Variants in RANBP3L observed in about 807,000 individuals in gnomAD.
RANBP3L encodes RAN binding protein 3 like.
RANBP3L carries 56 observed loss-of-function variants against 67.2 expected under a neutral mutation model. That is an observed-to-expected ratio of 0.83 (90% CI 0.67 to 1.04). The LOEUF is 1.04. RANBP3L is among the 50% of genes least tolerant of loss of function. The pLI, the probability that RANBP3L is intolerant of heterozygous loss-of-function variation, is 0.00. For missense variants in RANBP3L, 496 were observed against 535.5 expected (o/e 0.93, Z 0.73); for synonymous variants, 164 against 181.4 (o/e 0.90, Z 0.77).
At chr5:36,289,521 T>A (rs1229287881) in intron 1 of RANBP3L, among the ~76,000 whole-genome samples, 5 of 152,180 alleles carry the variant, frequency 3.3e-5, no homozygotes, top group African/African-American at 1.2e-4. Flanking sequence ...AGCATTCCAA[T>A]TCATGAATTT....
At chr5:36,261,209 G>T (rs1749361466) in intron 7 of RANBP3L, among the ~76,000 whole-genome samples, 1 of 152,082 alleles carries the variant, frequency 6.6e-6, no homozygotes, top group Non-Finnish European at 1.5e-5. Flanking sequence ...TCCTCAAGTG[G>T]CTGATGTTTT....
intron 1 of RANBP3L, among the ~76,000 whole-genome samples, chr5:36,292,406 T>C (rs1006256049): frequency 6.6e-6 from 1 of 152,040 alleles, no homozygotes; most frequent in African/African-American, 2.4e-5. Flanking sequence ...TGAGTTTAAT[T>C]AGATCCCATT....
At position 36,260,707 on chromosome 5, in the gene RANBP3L, T is replaced by C. The variant is rs1392916130; in HGVS notation, c.669+73A>G. On this transcript the variant is annotated intron_variant, in intron 8 of 13. Transcript: ENST00000296604. ...GTATAATTCAATTTAATATTACTTT[T>C]AATTAATTTACCTTTAGAAATTTAA... 8 of 661,834 alleles carry C rather than the reference T, an allele frequency of 1.2e-5. No homozygotes were observed. In the African/African-American group the frequency reaches 1.3e-4, roughly 11 times the overall value. The allele number at this position is 661,834 out of a possible 1,614,324, so 41.0% of individuals were successfully genotyped here.
At chr5:36,291,400 T>TTTA (rs1328368784) in intron 1 of RANBP3L, among the ~76,000 whole-genome samples, 1 of 151,658 alleles carries the variant, frequency 6.6e-6, no homozygotes, top group South Asian at 2.1e-4. Context: ...CTTATTTATT[T>TTTA]TTATTATTAT....
At chr5:36,286,755 G>A (rs1219962862) in intron 1 of RANBP3L, among the ~76,000 whole-genome samples, 2 of 152,174 alleles carry the variant, frequency 1.3e-5, no homozygotes, top group Non-Finnish European at 2.9e-5. Context: ...TGTAGACCAA[G>A]TGTGATTTCT....
intron 4 of RANBP3L, 73 bp from the exon 5 acceptor site, chr5:36,265,593 A>C: frequency 2.3e-6 from 2 of 864,092 alleles, no homozygotes; most frequent in South Asian, 3.2e-5. Context: ...GGGCTTAACA[A>C]TCCCATTCCG....
At position 36,301,664 on chromosome 5, in the gene RANBP3L, C is replaced by T; in HGVS notation, c.-248G>A. ...CCAATTCATTTGGTTAAAAACACAA[C>T]TTAATTCCTTCATTTCAAAACAAAT... On this transcript the variant is annotated 5_prime_UTR_variant, in exon 1 of 14. Transcript: ENST00000296604. 1 of 413,678 alleles carries T rather than the reference C, an allele frequency of 2.4e-6. No individual in the cohort carries two copies. The highest frequency in any genetic ancestry group is 4.4e-6 in the Non-Finnish European group (1 of 228,448). 25.6% of individuals were successfully genotyped at this position (413,678 alleles called of 1,614,324 possible). A position where few individuals can be genotyped will look rare whatever the true frequency, so the allele number is the denominator to read the frequency against.
At position 36,301,872 on chromosome 5, in the gene RANBP3L, A is replaced by T. The variant is rs1049562083; in HGVS notation, c.-456T>A. 7 of 159,760 alleles carry T rather than the reference A, an allele frequency of 4.4e-5. No individual in the cohort carries two copies. The highest frequency in any genetic ancestry group is 1.4e-4 in the African/African-American group (6 of 41,546). 9.9% of individuals were successfully genotyped at this position (159,760 alleles called of 1,614,324 possible). A position where few individuals can be genotyped will look rare whatever the true frequency, so the allele number is the denominator to read the frequency against. ...AAGTGCTGCTGAGTTAAGTCAAGTG[A>T]TTTCTAAGCCTGATCTGAGTTACCC... is the stretch of plus-strand genomic sequence containing the variant. On this transcript the variant is annotated 5_prime_UTR_variant, in exon 1 of 14. Coordinates refer to ENST00000296604, the MANE Select transcript of RANBP3L (RefSeq NM_145000.5).
rs758275698 is a variant in RANBP3L, at chr5:36,255,593, A to G, written c.904-3T>C. 1 of 1,597,448 alleles carries G rather than the reference A, an allele frequency of 6.3e-7. No individual in the cohort carries two copies. The highest frequency in any genetic ancestry group is 8.5e-7 in the Non-Finnish European group (1 of 1,172,666). On this transcript the variant is annotated splice_polypyrimidine_tract_variant and splice_region_variant and intron_variant, in intron 10 of 13. Transcript: ENST00000296604. ...AATATGAAAAGCTTGCAGTTTATCT[A>G]AATGACAATTTTTTAAAATGTCAAA...
chr5:36,263,648 C>G (rs573348150), intron 6 of RANBP3L, among the ~76,000 whole-genome samples: 1 of 152,114 alleles, frequency 6.6e-6, no homozygotes, highest in Non-Finnish European at 1.5e-5. Flanking sequence ...CTCCACTTCC[C>G]GGGTTCAAGC....
intron 2 of RANBP3L, 84 bp downstream of exon 2, chr5:36,271,169 G>A (rs1317774813): frequency 2.0e-5 from 16 of 809,690 alleles, no homozygotes; most frequent in East Asian, 7.3e-5. Context: ...CTATGCAGCC[G>A]TGATATCTTT....
At chr5:36,251,238 TCTAC>T in intron 13 of RANBP3L, 71 bp downstream of exon 13, 1 of 1,238,578 alleles carries the variant, frequency 8.1e-7, no homozygotes, top group East Asian at 2.5e-5. Context: ...TGTTAAAAAA[TCTAC>T]CTAATATATT....
chr5:36,283,982 C>A (rs1751157804), intron 1 of RANBP3L, among the ~76,000 whole-genome samples: 1 of 151,422 alleles, frequency 6.6e-6, no homozygotes, highest in South Asian at 2.1e-4. Flanking sequence ...TCCCTCTCCT[C>A]ACTTCCTTTT....
chr5:36,283,828 G>A, intron 1 of RANBP3L, among the ~76,000 whole-genome samples: 1 of 152,182 alleles, frequency 6.6e-6, no homozygotes, highest in East Asian at 1.9e-4. Flanking sequence ...CTGCAGGTTT[G>A]AAAGTTTCTC....
At chr5:36,283,877 A>G (rs1010429130) in intron 1 of RANBP3L, among the ~76,000 whole-genome samples, 1 of 152,094 alleles carries the variant, frequency 6.6e-6, no homozygotes, top group African/African-American at 2.4e-5. Flanking sequence ...TCTCATTAGC[A>G]TTGAGTTATT....
At chr5:36,295,657 A>G (rs886822012) in intron 1 of RANBP3L, among the ~76,000 whole-genome samples, 4 of 147,148 alleles carry the variant, frequency 2.7e-5, no homozygotes, top group Non-Finnish European at 4.5e-5. Flanking sequence ...ATTCTCACCA[A>G]CATTTGTTAT....
chr5:36,299,523 C>G (rs1035673833), intron 1 of RANBP3L, among the ~76,000 whole-genome samples: 1 of 151,980 alleles, frequency 6.6e-6, no homozygotes, highest in African/African-American at 2.4e-5. Flanking sequence ...TTACTGAGAA[C>G]ATACCCCAAC....
rs117878391 is a variant in RANBP3L at position 36,261,148 on chromosome 5, C to T, written c.585-284G>A. Among the ~76,000 whole-genome samples, 2,684 of 152,258 alleles carry T rather than the reference C, an allele frequency of 0.018. 154 individuals are homozygous for T. In the South Asian group the frequency reaches 0.2, roughly 11 times the overall value. On this transcript the variant is annotated intron_variant, in intron 7 of 13. Transcript: ENST00000296604. ...GTCAGCCAGGAGGGCTTCCCAACCC[C>T]TTTTGCTTTTCCAACACACCCTGTC...
chr5:36,294,768 T>C (rs954714240), intron 1 of RANBP3L, among the ~76,000 whole-genome samples: 12 of 149,680 alleles, frequency 8.0e-5, no homozygotes, highest in African/African-American at 2.7e-4. Flanking sequence ...TGTGTGTATA[T>C]ATATAGTGTG....
Sources: gnomAD v4.1 joint callset for allele counts (sites outside exome capture counted in the v4.1 genomes callset) on GRCh38, gnomAD v4.1.1 for gene constraint, MANE v1.5 for transcripts, NCBI Gene and HGNC (gene_info 2026-07-23, HGNC 2026-07-21) for gene names.